RAP1GDS1: variants seen among roughly 807,000 people sequenced by gnomAD.
RAP1GDS1 encodes the protein Rap1 GTPase-GDP dissociation stimulator 1.
RAP1GDS1 carries 35 observed loss-of-function variants against 71.1 expected under a neutral mutation model. That is an observed-to-expected ratio of 0.49 (90% CI 0.38 to 0.65). The LOEUF (loss-of-function observed/expected upper bound fraction) is 0.65. Among genes scored for constraint, RAP1GDS1 ranks in the 30% least tolerant of loss-of-function variants. RAP1GDS1 has a pLI of 0.00. For synonymous variants in RAP1GDS1, 229 were observed against 243.1 expected (o/e 0.94, Z 0.54); for missense variants, 663 against 706.1 (o/e 0.94, Z 0.69).
At chr4:98,360,623 A>G (rs996256397) in intron 4 of RAP1GDS1, among the ~76,000 whole-genome samples, 30 of 152,056 alleles carry the variant, frequency 2.0e-4, no homozygotes, top group African/African-American at 7.2e-4. Flanking sequence ...GCTCTTTTTA[A>G]TAGGGTTTTG....
chr4:98,441,866 C>T, intron 14 of RAP1GDS1, 124 bp from the exon 15 acceptor site: 2 of 1,113,352 alleles, frequency 1.8e-6, no homozygotes, highest in Non-Finnish European at 2.4e-6. Context: ...ACTGCTATGT[C>T]TTTTTCCAGA....
At chr4:98,312,427 T>C (rs1364377795) in intron 2 of RAP1GDS1, among the ~76,000 whole-genome samples, 1 of 152,204 alleles carries the variant, frequency 6.6e-6, no homozygotes, top group Non-Finnish European at 1.5e-5. Flanking sequence ...AAACATACAA[T>C]GTGCTTTCTC....
rs187579585 is a variant in RAP1GDS1 at position 98,275,323 on chromosome 4, G to A, written c.4+13754G>A. The stretch of plus-strand genomic sequence containing the variant: ...CTATGGTTTTTGAAGCACTTGACAA[G>A]TCATAACTGTCACTGCAATTTGTAG... On this transcript the variant is annotated intron_variant, in intron 1 of 14. Coordinates refer to ENST00000408927, the MANE Select transcript of RAP1GDS1 (RefSeq NM_001100427.2). Among the ~76,000 whole-genome samples the A allele has an allele frequency of 4.0e-4, 61 of 152,184 alleles. 1 individual carries two copies. The East Asian group carries it at 8.9e-3, about 22-fold the overall frequency.
At chr4:98,400,492 C>T (rs79356468) in intron 6 of RAP1GDS1, among the ~76,000 whole-genome samples, 9,726 of 144,472 alleles carry the variant, frequency 0.067, 358 homozygotes, top group Admixed American at 0.14. Flanking sequence ...TGTATGTTCT[C>T]ACACATGTGG....
chr4:98,376,513 ATGACT>A (rs1282474095), intron 4 of RAP1GDS1, among the ~76,000 whole-genome samples: 3 of 152,072 alleles, frequency 2.0e-5, no homozygotes, highest in African/African-American at 7.2e-5. Flanking sequence ...ACTTCTAAAG[ATGACT>A]TATGTCACTG....
chr4:98,441,677 G>A (rs1751884537), intron 14 of RAP1GDS1: 2 of 916,224 alleles, frequency 2.2e-6, no homozygotes, highest in Admixed American at 6.2e-5. Flanking sequence ...TGAGCAGGAT[G>A]AATCCCTTGA....
chr4:98,433,782 CCTTTT>C (rs1311388119), intron 12 of RAP1GDS1, among the ~76,000 whole-genome samples, 149 bp from the exon 13 acceptor site: 7 of 152,068 alleles, frequency 4.6e-5, no homozygotes, highest in Non-Finnish European at 8.8e-5. Context: ...AAAGCTTTTT[CCTTTT>C]CTTCTGTGGA....
intron 6 of RAP1GDS1, among the ~76,000 whole-genome samples, chr4:98,393,170 T>A (rs1392742818): frequency 6.6e-6 from 1 of 152,176 alleles, no homozygotes; most frequent in Non-Finnish European, 1.5e-5. Flanking sequence ...ATTCTATAAA[T>A]AAAAGCATGA....
At chr4:98,386,110 G>T (rs750364470) in intron 5 of RAP1GDS1, among the ~76,000 whole-genome samples, 1 of 151,154 alleles carries the variant, frequency 6.6e-6, no homozygotes, top group African/African-American at 2.4e-5. Flanking sequence ...AGATGAAAGC[G>T]TAGAGTTTTC....
chr4:98,435,732 A>G (rs534424770), intron 13 of RAP1GDS1, among the ~76,000 whole-genome samples: 1 of 151,968 alleles, frequency 6.6e-6, no homozygotes, highest in Admixed American at 6.6e-5. Context: ...AGTTCTTTAT[A>G]TATTCTAAAA....
chr4:98,363,033 T>G (rs761396702), intron 4 of RAP1GDS1, among the ~76,000 whole-genome samples: 5 of 152,114 alleles, frequency 3.3e-5, no homozygotes, highest in African/African-American at 4.8e-5. Flanking sequence ...AAGATATTTA[T>G]AGATTGTGAT....
intron 4 of RAP1GDS1, among the ~76,000 whole-genome samples, chr4:98,363,478 CAAAAAAAAAAAAA>C (rs34393905): frequency 8.0e-5 from 3 of 37,730 alleles, no homozygotes; most frequent in East Asian, 8.8e-4. Context: ...GACCCTGTCT[CAAAAAAAAAAAAA>C]AAAAAAAAAA....
At chr4:98,375,426 T>C (rs74634438) in intron 4 of RAP1GDS1, among the ~76,000 whole-genome samples, 1 of 152,236 alleles carries the variant, frequency 6.6e-6, no homozygotes, top group African/African-American at 2.4e-5. Flanking sequence ...TAAACATAGA[T>C]TGAAGGAGGG....
In RAP1GDS1 at chr4:98,406,682, A is replaced by G. The variant is rs141449938; in HGVS notation, c.763+2080A>G. On this transcript the variant is annotated intron_variant, in intron 7 of 14. Coordinates refer to ENST00000408927, the MANE Select transcript of RAP1GDS1 (RefSeq NM_001100427.2). ...AATTGATTTAATGGACCTATTTTAG[A>G]ACACTTCAACTACAGAGCTCTTTCA... Among the ~76,000 whole-genome samples the G allele has an allele frequency of 2.5e-4, 38 of 152,198 alleles. No homozygotes were observed. The East Asian group carries it at 5.2e-3, about 21-fold the overall frequency.
chr4:98,348,675 T>G (rs1430683445), intron 3 of RAP1GDS1, among the ~76,000 whole-genome samples: 2 of 152,106 alleles, frequency 1.3e-5, no homozygotes, highest in Admixed American at 6.6e-5. Flanking sequence ...GGTGTGAGAT[T>G]GTATCTCATT....
intron 6 of RAP1GDS1, chr4:98,396,521 T>C (rs1451180367): frequency 6.6e-6 from 1 of 152,218 alleles, no homozygotes; most frequent in Non-Finnish European, 1.5e-5. Flanking sequence ...CCCCAGTCTA[T>C]GTTAAAAGAT....
At chr4:98,293,746 G>A (rs1463352432) in intron 2 of RAP1GDS1, among the ~76,000 whole-genome samples, 2 of 152,016 alleles carry the variant, frequency 1.3e-5, no homozygotes, top group African/African-American at 2.4e-5. Context: ...GGAATTGATG[G>A]GTGGTGATGA....
At chr4:98,329,139 A>G (rs940915657) in intron 2 of RAP1GDS1, among the ~76,000 whole-genome samples, 1 of 152,188 alleles carries the variant, frequency 6.6e-6, no homozygotes, top group Non-Finnish European at 1.5e-5. Flanking sequence ...ATAGATTTTT[A>G]TTGAACCTTT....
chr4:98,400,539 A>AAAC (rs60114191), intron 6 of RAP1GDS1, among the ~76,000 whole-genome samples: 5,006 of 151,282 alleles, frequency 0.033, 189 homozygotes, highest in African/African-American at 0.091. Context: ...AAAAAAAAAA[A>AAAC]AAAAAAAACG....
Sources: allele counts gnomAD v4.1 joint callset (sites outside exome capture counted in the v4.1 genomes callset), GRCh38; gene constraint gnomAD v4.1.1; transcripts MANE v1.5; gene names NCBI Gene and HGNC (gene_info 2026-07-23, HGNC 2026-07-21).